TMBIM4: variants seen among roughly 807,000 people sequenced by gnomAD.
TMBIM4 encodes the protein protein lifeguard 4.
In TMBIM4, 28 loss-of-function variants were observed where a neutral mutation model predicts 27.7. That is an observed-to-expected ratio of 1.01 (90% CI 0.75 to 1.38). The LOEUF (loss-of-function observed/expected upper bound fraction) is 1.38. Among genes scored for constraint, TMBIM4 ranks in the 40% most tolerant of loss-of-function variants. The pLI, the probability that TMBIM4 is intolerant of heterozygous loss-of-function variation, is 0.00. For synonymous variants in TMBIM4, 115 were observed against 113.1 expected (o/e 1.02, Z -0.11); for missense variants, 265 against 277.5 (o/e 0.95, Z 0.32).
At chr12:66,154,151 G>C (rs1237712212) in intron 1 of TMBIM4, among the ~76,000 whole-genome samples, 1 of 152,118 alleles carries the variant, frequency 6.6e-6, no homozygotes, top group African/African-American at 2.4e-5. Flanking sequence ...ATTAATAACA[G>C]TTCCCACCTT....
At chr12:66,159,158 T>G (rs1262700500) in intron 1 of TMBIM4, among the ~76,000 whole-genome samples, 1 of 152,170 alleles carries the variant, frequency 6.6e-6, no homozygotes, top group Non-Finnish European at 1.5e-5. Flanking sequence ...TCCCCTTGAG[T>G]ATGGACTGGA....
At chr12:66,145,781 A>G in intron 5 of TMBIM4, 60 bp downstream of exon 5, 1 of 1,020,660 alleles carries the variant, frequency 9.8e-7, no homozygotes, top group South Asian at 1.4e-5. Context: ...ACATTCCTCA[A>G]AACCACCTAT....
intron 4 of TMBIM4, among the ~76,000 whole-genome samples, chr12:66,147,296 C>T (rs1288445003): frequency 1.3e-5 from 2 of 152,066 alleles, no homozygotes; most frequent in African/African-American, 4.8e-5. Context: ...TAATAATTAA[C>T]TCTGACCTTT....
intron 1 of TMBIM4, among the ~76,000 whole-genome samples, chr12:66,164,200 C>T (rs1417279626): frequency 1.3e-5 from 2 of 152,104 alleles, no homozygotes; most frequent in Non-Finnish European, 2.9e-5. Flanking sequence ...CATTTTTCCA[C>T]GGTAGTAGTT....
At chr12:66,138,875 G>T in intron 5 of TMBIM4, 106 bp from the exon 6 acceptor site, 1 of 1,328,468 alleles carries the variant, frequency 7.5e-7, no homozygotes, top group Non-Finnish European at 9.7e-7. Context: ...ATTTTTTGCT[G>T]AAGAATAACT....
In TMBIM4 at chr12:66,137,913, C is replaced by G. The variant is rs746764006; in HGVS notation, c.*47G>C. 19 of 1,525,226 alleles carry G rather than the reference C, an allele frequency of 1.2e-5. No individual in the cohort carries two copies. The East Asian group carries it at 4.3e-4, about 34-fold the overall frequency. The allele number at this position is 1,525,226 out of a possible 1,614,324, so 94.5% of individuals were successfully genotyped here. On this transcript the variant is annotated 3_prime_UTR_variant, in exon 7 of 7. Coordinates refer to ENST00000358230, the MANE Select transcript of TMBIM4 (RefSeq NM_016056.4). The stretch of plus-strand genomic sequence containing the variant: ...TCCAATTACTTTAATCCTTTTTTCT[C>G]ATTAAATTTTTTTTGTTGTTCTTCA...
At chr12:66,164,821 C>T (rs1032586645) in intron 1 of TMBIM4, among the ~76,000 whole-genome samples, 2 of 152,168 alleles carry the variant, frequency 1.3e-5, no homozygotes, top group African/African-American at 4.8e-5. Flanking sequence ...ACAAACATGA[C>T]CTTACATGTA....
intron 1 of TMBIM4, chr12:66,169,464 A>C: frequency 2.0e-6 from 1 of 505,504 alleles, no homozygotes; most frequent in Admixed American, 4.0e-5. Context: ...CGTGGATTCC[A>C]CTCGTGTGTA....
chr12:66,162,362 T>A (rs943180604), intron 1 of TMBIM4, among the ~76,000 whole-genome samples: 1 of 152,338 alleles, frequency 6.6e-6, no homozygotes, highest in Middle Eastern at 3.4e-3. Context: ...TAATAGCTAT[T>A]GAATTAACAC....
rs920951564 is a variant in TMBIM4 at position 66,136,175 on chromosome 12, T to C, written c.*1785A>G. 8 of 151,762 alleles carry C rather than the reference T, an allele frequency of 5.3e-5. No individual in the cohort carries two copies. Among genetic ancestry groups the C allele is most frequent in the South Asian group, 2.1e-4 (1 of 4,804 alleles). 9.4% of individuals were successfully genotyped at this position (151,762 alleles called of 1,614,324 possible). ...ATTTATCTATCTCATTTAATCCTTA[T>C]AACAGCCCAATAAGCTAGACATCAT... On this transcript the variant is annotated 3_prime_UTR_variant, in exon 7 of 7. Coordinates refer to ENST00000358230, the MANE Select transcript of TMBIM4 (RefSeq NM_016056.4).
At chr12:66,140,215 A>T (rs984510260) in intron 5 of TMBIM4, among the ~76,000 whole-genome samples, 1 of 152,228 alleles carries the variant, frequency 6.6e-6, no homozygotes. Flanking sequence ...GAATGCATAG[A>T]CAATGACATT....
chr12:66,158,228 A>AC (rs2051973811), intron 1 of TMBIM4, among the ~76,000 whole-genome samples: 1 of 27,218 alleles, frequency 3.7e-5, no homozygotes, highest in Non-Finnish European at 7.5e-5. Flanking sequence ...TCCGTCTCAC[A>AC]AAAAAAAAAA....
chr12:66,142,583 A>G (rs902652194), intron 5 of TMBIM4, among the ~76,000 whole-genome samples: 2 of 151,974 alleles, frequency 1.3e-5, no homozygotes, highest in African/African-American at 4.8e-5. Context: ...TTGTGTTACA[A>G]GAGAGGAACC....
chr12:66,140,630 A>AGTG (rs976152706), intron 5 of TMBIM4, among the ~76,000 whole-genome samples: 84 of 152,254 alleles, frequency 5.5e-4, no homozygotes, highest in African/African-American at 1.9e-3. Flanking sequence ...AGCTGTGCAC[A>AGTG]GTGGTGTGTG....
intron 5 of TMBIM4, 183 bp from the exon 6 acceptor site, chr12:66,138,952 T>C (rs2051622429): frequency 2.4e-6 from 2 of 826,792 alleles, no homozygotes; most frequent in Non-Finnish European, 3.3e-6. Context: ...TTTAAAGAAA[T>C]TGAAAGAACA....
intron 5 of TMBIM4, 104 bp from the exon 6 acceptor site, chr12:66,138,873 C>A: frequency 7.5e-7 from 1 of 1,332,390 alleles, no homozygotes; most frequent in Non-Finnish European, 9.7e-7. Flanking sequence ...GGATTTTTTG[C>A]TGAAGAATAA....
chr12:66,147,482 A>G (rs1205232170), intron 4 of TMBIM4, among the ~76,000 whole-genome samples: 1 of 152,222 alleles, frequency 6.6e-6, no homozygotes, highest in Non-Finnish European at 1.5e-5. Flanking sequence ...TTGCAGTGCC[A>G]TTTGATAAAA....
chr12:66,138,739 C>T lies in TMBIM4; in HGVS notation c.495G>A (p.Leu165=), dbSNP rs2051617570. ...CATAACTTACCTTCAAGAATCCTGACAGGCACAATATCCACAAAAGAGCAA... is the reference window on the plus strand; with the variant it reads ...CATAACTTACCTTCAAGAATCCTGATAGGCACAATATCCACAAAAGAGCAA... ...GLFALLWILC[L]SGFLKFFFYS... is the part of the protein sequence containing the mutation. The change falls in exon 6 of 7, where the codon CTG becomes CTA. Residue 165 remains leucine (L), a synonymous_variant. Transcript: ENST00000358230. 3 of 1,551,446 alleles carry T rather than the reference C, an allele frequency of 1.9e-6. No homozygotes were observed. The highest frequency in any genetic ancestry group is 2.6e-6 in the Non-Finnish European group (3 of 1,158,412).
intron 1 of TMBIM4, among the ~76,000 whole-genome samples, 153 bp from the exon 2 acceptor site, chr12:66,153,601 T>C (rs552176879): frequency 6.9e-4 from 105 of 152,208 alleles, no homozygotes; most frequent in African/African-American, 2.3e-3. Context: ...TAGACAAGAA[T>C]ACAAAGCTTC....
Sources: allele counts gnomAD v4.1 joint callset (sites outside exome capture counted in the v4.1 genomes callset), GRCh38; gene constraint gnomAD v4.1.1; transcripts MANE v1.5; gene names NCBI Gene and HGNC (gene_info 2026-07-23, HGNC 2026-07-21).